The following NUP160 variants were observed in gnomAD, a reference collection of about 807,000 sequenced individuals.
NUP160 encodes nucleoporin 160, also known as nuclear pore complex protein Nup160.
Under a neutral mutation model 196.9 loss-of-function variants are expected in NUP160, and 94 were observed. That is an observed-to-expected ratio of 0.48 (90% CI 0.40 to 0.57). The LOEUF (loss-of-function observed/expected upper bound fraction) is 0.57. Among genes scored for constraint, NUP160 ranks in the 20% least tolerant of loss-of-function variants. The probability of loss-of-function intolerance (pLI) is 0.00; values close to 1 mark genes in which losing one functional copy is unlikely to be tolerated. For missense variants in NUP160, 1,638 were observed against 1,748.3 expected (o/e 0.94, Z 1.13); for synonymous variants, 605 against 619.7 (o/e 0.98, Z 0.35).
chr11:47,778,999 C>T (rs1240882043), exon 36 of NUP160: 3 of 765,890 alleles, frequency 3.9e-6, no homozygotes, highest in Non-Finnish European at 7.0e-6. Flanking sequence ...ATGTTGTACA[C>T]ATCATTTACA....
At chr11:47,815,900 T>C in intron 12 of NUP160, 46 bp downstream of exon 12, 1 of 1,443,340 alleles carries the variant, frequency 6.9e-7, no homozygotes, top group Non-Finnish European at 9.7e-7. Context: ...ATCTGCCCTA[T>C]ATCAAGATGG....
exon 20 of NUP160, chr11:47,806,177 A>G: frequency 1.2e-6 from 2 of 1,614,138 alleles, no homozygotes; most frequent in African/African-American, 2.7e-5. Flanking sequence ...ATAACTGGTA[A>G]TTGCAGTAAT....
At chr11:47,786,372 T>C (rs976510034) in intron 32 of NUP160, 81 bp downstream of exon 32, 2 of 851,604 alleles carry the variant, frequency 2.3e-6, no homozygotes, top group East Asian at 4.9e-5. Flanking sequence ...AAATGATCTA[T>C]GTAGGACAAT....
intron 15 of NUP160, 121 bp from the exon 16 acceptor site, chr11:47,812,550 C>T: frequency 9.9e-7 from 1 of 1,009,564 alleles, no homozygotes; most frequent in Non-Finnish European, 1.4e-6. Flanking sequence ...AAGATAATCA[C>T]TCTGGCATAT....
At chr11:47,822,229 G>A (rs1851874332) in intron 7 of NUP160, 65 bp from the exon 8 acceptor site, 1 of 1,134,508 alleles carries the variant, frequency 8.8e-7, no homozygotes, top group Admixed American at 2.2e-5. Context: ...TCGAAGCAAG[G>A]GCTATTACCA....
chr11:47,836,544 C>T (rs1001888968), intron 6 of NUP160, among the ~76,000 whole-genome samples: 1 of 152,024 alleles, frequency 6.6e-6, no homozygotes, highest in Non-Finnish European at 1.5e-5. Context: ...GCCCGGGAGG[C>T]AGAGGCTGCA....
intron 29 of NUP160, among the ~76,000 whole-genome samples, chr11:47,791,289 G>T (rs1811259890): frequency 6.6e-6 from 1 of 152,012 alleles, no homozygotes; most frequent in Non-Finnish European, 1.5e-5. Context: ...ACTTTTTTCT[G>T]CTCTTTGGGA....
intron 23 of NUP160, among the ~76,000 whole-genome samples, chr11:47,798,815 G>C (rs756026670): frequency 6.6e-5 from 10 of 151,772 alleles, no homozygotes; most frequent in Non-Finnish European, 1.2e-4. Flanking sequence ...GGGTGGTATA[G>C]CACGACCCTG....
chr11:47,831,694 T>C (rs999924675), intron 7 of NUP160, among the ~76,000 whole-genome samples: 1 of 151,272 alleles, frequency 6.6e-6, no homozygotes, highest in Non-Finnish European at 1.5e-5. Flanking sequence ...ATACAAAAAC[T>C]TAGCCAGGCA....
chr11:47,846,098 T>C (rs1057295825), intron 2 of NUP160, among the ~76,000 whole-genome samples: 1 of 146,560 alleles, frequency 6.8e-6, no homozygotes, highest in Admixed American at 6.9e-5. Flanking sequence ...ATTGCACCAA[T>C]GCACTCCAGC....
At chr11:47,828,708 C>G (rs1373820543) in intron 7 of NUP160, among the ~76,000 whole-genome samples, 1 of 152,064 alleles carries the variant, frequency 6.6e-6, no homozygotes, top group Non-Finnish European at 1.5e-5. Context: ...CAAGAGTAAT[C>G]AAGACAGTGT....
exon 19 of NUP160, chr11:47,807,122 G>A (rs1177336766): frequency 6.2e-7 from 1 of 1,611,468 alleles, no homozygotes; most frequent in African/African-American, 1.3e-5. Context: ...GTACTGATAA[G>A]TGTTGGAGAT....
intron 34 of NUP160, among the ~76,000 whole-genome samples, chr11:47,782,294 AAAAAAAAAAATATATATAT>A (rs2097661381): frequency 4.9e-5 from 2 of 40,618 alleles, no homozygotes; most frequent in Non-Finnish European, 4.8e-5. Flanking sequence ...TCAGTTAAAA[AAAAAAAAAAATATATATAT>A]ATATATATAT....
chr11:47,815,630 T>C, exon 13 of NUP160: 1 of 1,596,778 alleles, frequency 6.3e-7, no homozygotes, highest in South Asian at 1.1e-5. Flanking sequence ...GAATTCATAC[T>C]CTGTTACACT....
At chr11:47,846,468 C>T (rs1852405095) in intron 2 of NUP160, among the ~76,000 whole-genome samples, 1 of 152,078 alleles carries the variant, frequency 6.6e-6, no homozygotes, top group Non-Finnish European at 1.5e-5. Flanking sequence ...AAATGGCAAC[C>T]CCTCCCCACT....
At chr11:47,809,046 A>G (rs534921791) in intron 17 of NUP160, among the ~76,000 whole-genome samples, 1 of 151,722 alleles carries the variant, frequency 6.6e-6, no homozygotes, top group South Asian at 2.1e-4. Context: ...TGTTGCAGTG[A>G]GCTGAGATCG....
At chr11:47,784,015 AAC>A (rs1221088885) in intron 33 of NUP160, among the ~76,000 whole-genome samples, 1 of 151,920 alleles carries the variant, frequency 6.6e-6, no homozygotes, top group East Asian at 1.9e-4. Context: ...TTAAAAAAAA[AAC>A]AAAAACAAAA....
At chr11:47,811,508 C>T (rs1013806511) in intron 17 of NUP160, among the ~76,000 whole-genome samples, 1 of 150,836 alleles carries the variant, frequency 6.6e-6, no homozygotes, top group African/African-American at 2.4e-5. Context: ...GAGAGAGAGA[C>T]AGGAAAAAAA....
intron 27 of NUP160, among the ~76,000 whole-genome samples, chr11:47,795,004 G>A (rs1164905504): frequency 3.3e-5 from 5 of 152,096 alleles, no homozygotes; most frequent in Admixed American, 3.3e-4. Flanking sequence ...GAGAGGCTGA[G>A]GCAGGAGAAT....
Sources: gnomAD v4.1 joint callset for allele counts (sites outside exome capture counted in the v4.1 genomes callset) on GRCh38, gnomAD v4.1.1 for gene constraint, MANE v1.5 for transcripts, NCBI Gene and HGNC (gene_info 2026-07-23, HGNC 2026-07-21) for gene names.